Variants in MACROD2 observed in about 807,000 individuals in gnomAD.
MACROD2 encodes the protein ADP-ribose glycohydrolase MACROD2.
Under a neutral mutation model 70.4 loss-of-function variants are expected in MACROD2, and 36 were observed. The ratio of observed to expected loss-of-function variants is 0.51; its 90% confidence interval spans 0.39 to 0.68. MACROD2 has a LOEUF of 0.68. MACROD2 is among the 30% of genes least tolerant of loss of function. The probability of loss-of-function intolerance (pLI) is 0.00; values close to 1 mark genes in which losing one functional copy is unlikely to be tolerated. For missense variants in MACROD2, 496 were observed against 538.4 expected, an observed-to-expected ratio of 0.92 and a Z score of 0.78; for synonymous variants, 172 against 178.8, an observed-to-expected ratio of 0.96 and a Z score of 0.30.
chr20:15,974,203 G>A (rs1342301775), intron 13 of MACROD2, among the ~76,000 whole-genome samples: 1 of 152,074 alleles, frequency 6.6e-6, no homozygotes, highest in African/African-American at 2.4e-5. Flanking sequence ...ACAACTAGTT[G>A]GCCATTTGGG....
At chr20:15,365,170 C>T (rs768533146) in intron 6 of MACROD2, among the ~76,000 whole-genome samples, 4 of 150,326 alleles carry the variant, frequency 2.7e-5, no homozygotes, top group East Asian at 1.9e-4. Flanking sequence ...TTCTTTGGGG[C>T]GGGGCGGGGG....
At chr20:14,886,461 TGAGAA>T (rs1220668301) in intron 5 of MACROD2, among the ~76,000 whole-genome samples, 1 of 152,158 alleles carries the variant, frequency 6.6e-6, no homozygotes, top group Admixed American at 6.5e-5. Context: ...TGGGAAAGTT[TGAGAA>T]GAGGAGTGAC....
chr20:14,589,688 G>T (rs1190322962), intron 4 of MACROD2, among the ~76,000 whole-genome samples: 3 of 152,024 alleles, frequency 2.0e-5, no homozygotes, highest in Non-Finnish European at 2.9e-5. Flanking sequence ...TCTCTATACT[G>T]TTTTCCTCTC....
At chr20:14,214,940 T>G (rs2081602777) in intron 3 of MACROD2, among the ~76,000 whole-genome samples, 1 of 151,682 alleles carries the variant, frequency 6.6e-6, no homozygotes, top group Non-Finnish European at 1.5e-5. Context: ...AATTCATTCC[T>G]TTTTATGGCT....
chr20:14,273,140 G>A (rs902189552), intron 3 of MACROD2, among the ~76,000 whole-genome samples: 49 of 152,004 alleles, frequency 3.2e-4, no homozygotes, highest in African/African-American at 7.7e-4. Flanking sequence ...TGCACCAAGC[G>A]GATCTAATAG....
At chr20:15,601,977 G>A (rs2048827473) in intron 8 of MACROD2, among the ~76,000 whole-genome samples, 1 of 152,020 alleles carries the variant, frequency 6.6e-6, no homozygotes, top group Admixed American at 6.6e-5. Context: ...CCAGTGAGCC[G>A]AGACTGTGCC....
intron 5 of MACROD2, among the ~76,000 whole-genome samples, chr20:15,029,114 C>G (rs1389872709): frequency 2.6e-5 from 4 of 152,136 alleles, no homozygotes; most frequent in African/African-American, 9.7e-5. Flanking sequence ...CTGCACACAT[C>G]CAGGGAGATT....
chr20:15,403,720 T>C (rs1255502284), intron 6 of MACROD2, among the ~76,000 whole-genome samples: 1 of 152,168 alleles, frequency 6.6e-6, no homozygotes, highest in African/African-American at 2.4e-5. Context: ...TGATTTCTTG[T>C]CCTTTCATTC....
At chr20:15,084,007 G>A (rs2075725277) in intron 5 of MACROD2, among the ~76,000 whole-genome samples, 1 of 150,812 alleles carries the variant, frequency 6.6e-6, no homozygotes, top group African/African-American at 2.4e-5. Context: ...GGGAAGCTTG[G>A]ATTCTTATGA....
chr20:14,374,220 A>T (rs2083351920), intron 3 of MACROD2, among the ~76,000 whole-genome samples: 1 of 152,150 alleles, frequency 6.6e-6, no homozygotes, highest in Non-Finnish European at 1.5e-5. Context: ...TATATTCTAA[A>T]AAGTTTTTAC....
chr20:14,923,224 A>G (rs1270398135), intron 5 of MACROD2, among the ~76,000 whole-genome samples: 1 of 152,148 alleles, frequency 6.6e-6, no homozygotes, highest in Non-Finnish European at 1.5e-5. Flanking sequence ...GAAGAGCCCT[A>G]AAGTTCAGTC....
intron 8 of MACROD2, among the ~76,000 whole-genome samples, chr20:15,710,837 T>C (rs1472315101): frequency 6.6e-6 from 1 of 152,182 alleles, no homozygotes; most frequent in African/African-American, 2.4e-5. Flanking sequence ...AGTCTTGACC[T>C]TCCAGAGGCC....
chr20:14,987,480 A>G (rs185926861), intron 5 of MACROD2, among the ~76,000 whole-genome samples: 11 of 152,250 alleles, frequency 7.2e-5, no homozygotes, highest in Admixed American at 2.6e-4. Context: ...AGAAAAATCA[A>G]GTGTGTGTTT....
chr20:15,824,835 T>A (rs2063979340), intron 8 of MACROD2, among the ~76,000 whole-genome samples: 1 of 152,230 alleles, frequency 6.6e-6, no homozygotes, highest in South Asian at 2.1e-4. Flanking sequence ...TATCCACCAC[T>A]CAACCATGCC....
At chr20:15,549,863 T>C (rs2146584829) in intron 8 of MACROD2, among the ~76,000 whole-genome samples, 1 of 152,320 alleles carries the variant, frequency 6.6e-6, no homozygotes, top group Non-Finnish European at 1.5e-5. Context: ...CAACCTTTTT[T>C]TTTTCAGCGC....
chr20:14,601,485 C>T (rs1600440459), intron 4 of MACROD2, among the ~76,000 whole-genome samples: 1 of 151,940 alleles, frequency 6.6e-6, no homozygotes, highest in South Asian at 2.1e-4. Flanking sequence ...TATAGATAAG[C>T]CACAATACTT....
chr20:15,299,972 G>C (rs1436993986), intron 6 of MACROD2, among the ~76,000 whole-genome samples: 1 of 152,178 alleles, frequency 6.6e-6, no homozygotes, highest in Non-Finnish European at 1.5e-5. Flanking sequence ...ACAGGTCTTA[G>C]ATTTATTTGG....
chr20:15,713,752 GGGTCT>G (rs1294593098), intron 8 of MACROD2, among the ~76,000 whole-genome samples: 6 of 152,104 alleles, frequency 3.9e-5, no homozygotes, highest in Non-Finnish European at 8.8e-5. Context: ...CAACATATCA[GGGTCT>G]GGTCTGGTCA....
At chr20:15,269,111 T>C (rs2077323026) in intron 6 of MACROD2, among the ~76,000 whole-genome samples, 1 of 152,230 alleles carries the variant, frequency 6.6e-6, no homozygotes, top group Non-Finnish European at 1.5e-5. Context: ...TATATATTGT[T>C]AAATGATTTC....
Sources: gnomAD v4.1 joint callset for allele counts (sites outside exome capture counted in the v4.1 genomes callset) on GRCh38, gnomAD v4.1.1 for gene constraint, MANE v1.5 for transcripts, NCBI Gene and HGNC (gene_info 2026-07-23, HGNC 2026-07-21) for gene names.